The following ADAMTS6 variants were observed in gnomAD, a reference collection of about 807,000 sequenced individuals.
ADAMTS6 encodes ADAM metallopeptidase with thrombospondin type 1 motif 6, also known as A disintegrin and metalloproteinase with thrombospondin motifs 6.
A neutral mutation model predicts 144.3 loss-of-function variants in ADAMTS6; 23 were observed. That is an observed-to-expected ratio of 0.16 (90% CI 0.11 to 0.23). The LOEUF is 0.23. Among genes scored for constraint, ADAMTS6 ranks in the 10% least tolerant of loss-of-function variants. The probability of loss-of-function intolerance (pLI) is 1.00; values close to 1 mark genes in which losing one functional copy is unlikely to be tolerated. For missense variants in ADAMTS6, 999 were observed against 1,379.6 expected (o/e 0.72, Z 4.37); for synonymous variants, 444 against 457.5 (o/e 0.97, Z 0.38).
chr5:65,340,341 G>GT (rs1312728193), intron 7 of ADAMTS6, among the ~76,000 whole-genome samples: 1 of 151,912 alleles, frequency 6.6e-6, no homozygotes, highest in Non-Finnish European at 1.5e-5. Context: ...AGGAACTTTC[G>GT]TAACACTAGC....
chr5:65,266,227 T>C (rs1178792710), intron 12 of ADAMTS6, among the ~76,000 whole-genome samples: 1 of 151,956 alleles, frequency 6.6e-6, no homozygotes, highest in Non-Finnish European at 1.5e-5. Flanking sequence ...ACTAAAGTCA[T>C]TCTTTAGGTA....
chr5:65,326,468 G>T (rs1746185663), intron 9 of ADAMTS6, among the ~76,000 whole-genome samples: 1 of 152,050 alleles, frequency 6.6e-6, no homozygotes, highest in South Asian at 2.1e-4. Flanking sequence ...CTTAGCCAAA[G>T]AAAATGTTAT....
intron 7 of ADAMTS6, among the ~76,000 whole-genome samples, chr5:65,444,456 C>T (rs1262958531): frequency 6.6e-6 from 1 of 151,944 alleles, no homozygotes; most frequent in Non-Finnish European, 1.5e-5. Flanking sequence ...TTTTTATATA[C>T]CAGTGAAAAA....
intron 7 of ADAMTS6, among the ~76,000 whole-genome samples, chr5:65,334,532 C>T (rs1403472938): frequency 6.6e-6 from 1 of 152,090 alleles, no homozygotes; most frequent in East Asian, 1.9e-4. Flanking sequence ...TTTGGAGTTG[C>T]TTTAACTCTA....
chr5:65,422,537 G>A (rs1254045684), intron 7 of ADAMTS6, among the ~76,000 whole-genome samples: 3 of 152,130 alleles, frequency 2.0e-5, no homozygotes, highest in East Asian at 1.9e-4. Context: ...CAGGAGAATC[G>A]CTTGAACCCA....
intron 7 of ADAMTS6, among the ~76,000 whole-genome samples, chr5:65,419,251 A>G (rs1038162529): frequency 6.6e-6 from 1 of 152,220 alleles, no homozygotes; most frequent in Non-Finnish European, 1.5e-5. Context: ...TTGCAGCAAC[A>G]TGAATGCAAC....
intron 2 of ADAMTS6, among the ~76,000 whole-genome samples, chr5:65,471,952 T>C (rs1760478530): frequency 1.3e-5 from 2 of 152,094 alleles, no homozygotes; most frequent in Non-Finnish European, 2.9e-5. Context: ...AATTTAGATG[T>C]GAATGCTCAG....
At chr5:65,405,525 A>G (rs1267326548) in intron 7 of ADAMTS6, among the ~76,000 whole-genome samples, 3 of 152,312 alleles carry the variant, frequency 2.0e-5, no homozygotes, top group Middle Eastern at 3.4e-3. Context: ...TGGTACCAGT[A>G]CCATGCTGTG....
chr5:65,240,498 G>A (rs952251203), intron 15 of ADAMTS6, among the ~76,000 whole-genome samples: 2 of 152,060 alleles, frequency 1.3e-5, no homozygotes, highest in African/African-American at 2.4e-5. Flanking sequence ...CCCAAAACCC[G>A]TATGTTGAAA....
chr5:65,318,421 T>A (rs534257321), intron 9 of ADAMTS6, among the ~76,000 whole-genome samples: 30 of 152,268 alleles, frequency 2.0e-4, no homozygotes, highest in African/African-American at 6.7e-4. Flanking sequence ...GGAAGAGATA[T>A]CTGCACTCCC....
At chr5:65,197,748 T>A (rs1755478379) in intron 20 of ADAMTS6, among the ~76,000 whole-genome samples, 1 of 152,214 alleles carries the variant, frequency 6.6e-6, no homozygotes, top group African/African-American at 2.4e-5. Flanking sequence ...AACTAGTCTG[T>A]TTATTCGAAC....
chr5:65,163,098 C>G (rs1405905936), intron 24 of ADAMTS6, among the ~76,000 whole-genome samples: 1 of 152,108 alleles, frequency 6.6e-6, no homozygotes, highest in Non-Finnish European at 1.5e-5. Flanking sequence ...TTTGTAGAGA[C>G]AGTGTCTCAC....
intron 7 of ADAMTS6, among the ~76,000 whole-genome samples, chr5:65,347,389 G>A (rs1228573014): frequency 2.0e-5 from 3 of 151,878 alleles, no homozygotes; most frequent in South Asian, 4.2e-4. Context: ...TGCCAAGAAC[G>A]AGTAATGGAG....
chr5:65,424,932 A>G (rs141564105), intron 7 of ADAMTS6, among the ~76,000 whole-genome samples: 2 of 152,054 alleles, frequency 1.3e-5, no homozygotes, highest in East Asian at 3.9e-4. Flanking sequence ...ATTCCGCTGT[A>G]TAATTTTTTA....
At chr5:65,220,730 G>C (rs1485114388) in intron 18 of ADAMTS6, among the ~76,000 whole-genome samples, 2 of 151,912 alleles carry the variant, frequency 1.3e-5, no homozygotes, top group African/African-American at 4.8e-5. Flanking sequence ...CTGGGCAACA[G>C]AGCGAGACTC....
chr5:65,330,432 G>A (rs1291236425), intron 8 of ADAMTS6, among the ~76,000 whole-genome samples: 2 of 152,070 alleles, frequency 1.3e-5, no homozygotes, highest in East Asian at 3.8e-4. Flanking sequence ...TGAAGGGGAA[G>A]TAGGAAAAAC....
chr5:65,369,682 T>G (rs1445466342), intron 7 of ADAMTS6, among the ~76,000 whole-genome samples: 2 of 152,168 alleles, frequency 1.3e-5, no homozygotes, highest in Admixed American at 1.3e-4. Context: ...TATTAAAATA[T>G]TTTGACATCT....
At chr5:65,264,374 C>A (rs1236538337) in intron 12 of ADAMTS6, among the ~76,000 whole-genome samples, 1 of 152,106 alleles carries the variant, frequency 6.6e-6, no homozygotes, top group East Asian at 1.9e-4. Context: ...CTCCTTAGAG[C>A]ATCTGAATTT....
At chr5:65,305,311 T>G (rs1012022926) in intron 9 of ADAMTS6, among the ~76,000 whole-genome samples, 12 of 152,158 alleles carry the variant, frequency 7.9e-5, no homozygotes, top group Admixed American at 7.2e-4. Flanking sequence ...CAAAACAACC[T>G]GCAATATTTT....
Sources: allele counts gnomAD v4.1 joint callset (sites outside exome capture counted in the v4.1 genomes callset), GRCh38; gene constraint gnomAD v4.1.1; transcripts MANE v1.5; gene names NCBI Gene and HGNC (gene_info 2026-07-23, HGNC 2026-07-21).